Variants in ENTREP2 observed in about 807,000 individuals in gnomAD.
ENTREP2 encodes the protein protein ENTREP2.
the ENTREP2 span, among the ~76,000 whole-genome samples, chr15:29,303,076 C>T: frequency 0.041 from 6,202 of 152,106 alleles, 408 homozygotes; most frequent in African/African-American, 0.14. Context: ...GCATCCACTC[C>T]ACCCTAAGCT....
chr15:29,565,467 T>A, the ENTREP2 span, among the ~76,000 whole-genome samples: 8 of 151,936 alleles, frequency 5.3e-5, no homozygotes, highest in Admixed American at 3.9e-4. Context: ...CTGGTAGAGA[T>A]TATTCCCAGC....
chr15:29,476,180 C>A, the ENTREP2 span, among the ~76,000 whole-genome samples: 22 of 152,184 alleles, frequency 1.4e-4, no homozygotes, highest in Non-Finnish European at 2.4e-4. Flanking sequence ...TTTTCTATCC[C>A]CCCAAATAAC....
At chr15:29,520,144 C>G in the ENTREP2 span, among the ~76,000 whole-genome samples, 29 of 152,282 alleles carry the variant, frequency 1.9e-4, no homozygotes, top group African/African-American at 6.0e-4. Context: ...GACGGGTCCC[C>G]TAACCCCTGC....
the ENTREP2 span, among the ~76,000 whole-genome samples, chr15:29,366,971 T>C: frequency 1.3e-5 from 2 of 152,172 alleles, no homozygotes; most frequent in Admixed American, 6.5e-5. Flanking sequence ...CCTTTAAAGA[T>C]ATTTGGAGAG....
the ENTREP2 span, among the ~76,000 whole-genome samples, chr15:29,438,950 T>C: frequency 6.6e-6 from 1 of 152,112 alleles, no homozygotes; most frequent in Non-Finnish European, 1.5e-5. Flanking sequence ...TACATGTGTA[T>C]TTCCCCTGAA....
At chr15:29,373,523 A>G in the ENTREP2 span, 1 of 152,200 alleles carries the variant, frequency 6.6e-6, no homozygotes, top group Non-Finnish European at 1.5e-5. Context: ...ATTTGAGTTA[A>G]CAAAAAACTA....
At chr15:29,285,670 T>G in the ENTREP2 span, among the ~76,000 whole-genome samples, 1 of 152,146 alleles carries the variant, frequency 6.6e-6, no homozygotes, top group African/African-American at 2.4e-5. Flanking sequence ...AATAAATGTT[T>G]CCAGAAAAGC....
chr15:29,252,812 A>G, the ENTREP2 span, among the ~76,000 whole-genome samples: 1 of 152,212 alleles, frequency 6.6e-6, no homozygotes, highest in African/African-American at 2.4e-5. Flanking sequence ...ATTAAAGGAA[A>G]TCAAGTGAAA....
chr15:29,364,406 G>GT, the ENTREP2 span, among the ~76,000 whole-genome samples: 1 of 152,192 alleles, frequency 6.6e-6, no homozygotes. Context: ...GTCATAAGAA[G>GT]TAAGTGCAGC....
the ENTREP2 span, among the ~76,000 whole-genome samples, chr15:29,349,100 T>C: frequency 6.6e-6 from 1 of 152,198 alleles, no homozygotes; most frequent in African/African-American, 2.4e-5. Flanking sequence ...GTGTCTTCTT[T>C]CCAGACCCCC....
At chr15:29,349,927 AATT>A in the ENTREP2 span, among the ~76,000 whole-genome samples, 1 of 151,360 alleles carries the variant, frequency 6.6e-6, no homozygotes, top group Non-Finnish European at 1.5e-5. Flanking sequence ...TAAAAATAAT[AATT>A]AATTGATTAA....
At chr15:29,626,040 G>A in the ENTREP2 span, among the ~76,000 whole-genome samples, 6 of 152,052 alleles carry the variant, frequency 3.9e-5, no homozygotes, top group African/African-American at 1.4e-4. Flanking sequence ...TAGAGACAGG[G>A]TTTCGCCATG....
At chr15:29,553,168 T>C in the ENTREP2 span, among the ~76,000 whole-genome samples, 2 of 152,304 alleles carry the variant, frequency 1.3e-5, no homozygotes, top group Admixed American at 6.5e-5. Flanking sequence ...TGGTGGCACA[T>C]GCCTGTAATC....
At chr15:29,159,150 G>C in the ENTREP2 span, among the ~76,000 whole-genome samples, 1 of 152,132 alleles carries the variant, frequency 6.6e-6, no homozygotes, top group East Asian at 1.9e-4. Context: ...TGGCGTGTCT[G>C]GAGTCTGTTC....
chr15:29,338,333 G>A, the ENTREP2 span, among the ~76,000 whole-genome samples: 2 of 151,392 alleles, frequency 1.3e-5, no homozygotes, highest in South Asian at 4.2e-4. Context: ...GGCTGAGGCA[G>A]GAGAATCACT....
At chr15:29,239,097 C>T in the ENTREP2 span, among the ~76,000 whole-genome samples, 1 of 152,170 alleles carries the variant, frequency 6.6e-6, no homozygotes, top group Admixed American at 6.5e-5. Flanking sequence ...GCAGCTCCAG[C>T]ACACCCCTGC....
chr15:29,473,803 G>C, the ENTREP2 span, among the ~76,000 whole-genome samples: 1 of 152,178 alleles, frequency 6.6e-6, no homozygotes, highest in African/African-American at 2.4e-5. Flanking sequence ...GGCCCCGGCC[G>C]CAGCCACGGC....
At chr15:29,490,147 A>AC in the ENTREP2 span, among the ~76,000 whole-genome samples, 1 of 152,004 alleles carries the variant, frequency 6.6e-6, no homozygotes, top group African/African-American at 2.4e-5. Flanking sequence ...GAAGCCGTGG[A>AC]CCCCCGGTGA....
At chr15:29,491,831 A>G in the ENTREP2 span, among the ~76,000 whole-genome samples, 2 of 152,212 alleles carry the variant, frequency 1.3e-5, no homozygotes, top group Non-Finnish European at 2.9e-5. Context: ...CACAGTAGAC[A>G]TTAAAGTTAA....
Sources: gnomAD v4.1 joint callset for allele counts (sites outside exome capture counted in the v4.1 genomes callset) on GRCh38, gnomAD v4.1.1 for gene constraint, MANE v1.5 for transcripts, NCBI Gene and HGNC (gene_info 2026-07-23, HGNC 2026-07-21) for gene names.